The following COL5A2 variants were observed in gnomAD, a reference collection of about 807,000 sequenced individuals.
COL5A2 encodes the protein collagen type V alpha 2 chain.
Under a neutral mutation model 208.2 loss-of-function variants are expected in COL5A2, and 23 were observed. The observed-to-expected ratio is 0.11, with a 90% CI of 0.08 to 0.16. The LOEUF is 0.16. Among genes scored for constraint, COL5A2 ranks in the 10% least tolerant of loss-of-function variants. The probability of loss-of-function intolerance (pLI) is 1.00; values close to 1 mark genes in which losing one functional copy is unlikely to be tolerated. For missense variants in COL5A2, 1,590 were observed against 1,956.4 expected (o/e 0.81, Z 3.53); for synonymous variants, 625 against 628.5 (o/e 0.99, Z 0.08).
chr2:189,210,432 GAAA>G (rs34973641), intron 1 of COL5A2, among the ~76,000 whole-genome samples: 3 of 134,874 alleles, frequency 2.2e-5, no homozygotes. Context: ...TGTTGAGCTT[GAAA>G]AAAAAAAAAA....
At chr2:189,257,866 G>A in the COL5A2 span, among the ~76,000 whole-genome samples, 1 of 152,108 alleles carries the variant, frequency 6.6e-6, no homozygotes, top group Non-Finnish European at 1.5e-5. Flanking sequence ...TGTAATCCCA[G>A]CACTTTGGGA....
At chr2:189,192,626 GAA>G (rs1438032085) in intron 1 of COL5A2, among the ~76,000 whole-genome samples, 1 of 152,094 alleles carries the variant, frequency 6.6e-6, no homozygotes, top group African/African-American at 2.4e-5. Flanking sequence ...TACAAATAGA[GAA>G]GAGCCCTATT....
At chr2:189,181,505 G>C (rs573764151), upstream of COL5A2, among the ~76,000 whole-genome samples, 2 of 151,812 alleles carry the variant, frequency 1.3e-5, no homozygotes, top group African/African-American at 2.4e-5. Context: ...AAGTAAATGT[G>C]GGGGGGAGGA....
chr2:189,100,291 G>A lies in COL5A2; in HGVS notation c.337-152C>T, dbSNP rs55905390. 6.1e-6 allele frequency: 4 copies of A among 657,904 alleles called. No individual in the cohort carries two copies. The East Asian group carries it at 1.1e-4, about 18-fold the overall frequency. 40.8% of individuals were successfully genotyped at this position (657,904 alleles called of 1,614,324 possible). A position where few individuals can be genotyped will look rare whatever the true frequency, so the allele number is the denominator to read the frequency against. On this transcript the variant is annotated intron_variant, in intron 3 of 53. Coordinates refer to ENST00000374866, the MANE Select transcript of COL5A2 (RefSeq NM_000393.5). ...ACAAAAAGAAAGTTAACAATTTTTAGGATATTTAGTCAGATATTACTCATT... is the reference window on the plus strand; with the variant it reads ...ACAAAAAGAAAGTTAACAATTTTTAAGATATTTAGTCAGATATTACTCATT...
the COL5A2 span, among the ~76,000 whole-genome samples, chr2:189,348,758 G>A: frequency 6.6e-6 from 1 of 152,178 alleles, no homozygotes; most frequent in East Asian, 1.9e-4. Flanking sequence ...CCATGGAAAA[G>A]AGTGCTGACT....
chr2:189,228,521 A>T (rs183964847), upstream of COL5A2, among the ~76,000 whole-genome samples: 7 of 152,030 alleles, frequency 4.6e-5, no homozygotes, highest in East Asian at 1.4e-3. Context: ...ACCATGAACA[A>T]TTATAAGCCA....
chr2:189,063,812 T>C (rs1376009698), intron 26 of COL5A2, among the ~76,000 whole-genome samples, 168 bp downstream of exon 26: 1 of 152,204 alleles, frequency 6.6e-6, no homozygotes, highest in Non-Finnish European at 1.5e-5. Flanking sequence ...TCTACATTTT[T>C]GTCAACTTGA....
chr2:189,275,421 G>A, the COL5A2 span, among the ~76,000 whole-genome samples: 15 of 148,680 alleles, frequency 1.0e-4, no homozygotes. Context: ...TTGAAACATG[G>A]AGTATCTTTT....
intron 1 of COL5A2, among the ~76,000 whole-genome samples, chr2:189,124,343 A>G (rs977056827): frequency 1.3e-5 from 2 of 152,160 alleles, no homozygotes; most frequent in South Asian, 2.1e-4. Context: ...GATGGGGGAA[A>G]GACTATCTCC....
chr2:189,406,570 C>T, the COL5A2 span, among the ~76,000 whole-genome samples: 1 of 152,116 alleles, frequency 6.6e-6, no homozygotes, highest in Non-Finnish European at 1.5e-5. Context: ...TTCTTTGGCT[C>T]TTATGAGAAA....
At chr2:189,249,077 A>G in the COL5A2 span, among the ~76,000 whole-genome samples, 1 of 152,160 alleles carries the variant, frequency 6.6e-6, no homozygotes, top group African/African-American at 2.4e-5. Context: ...ACCAAAAAAG[A>G]TTTTATTAAA....
chr2:189,158,886 T>C (rs1300291042), intron 1 of COL5A2, among the ~76,000 whole-genome samples: 4 of 152,192 alleles, frequency 2.6e-5, no homozygotes, highest in Non-Finnish European at 2.9e-5. Context: ...TTCAAGTGTT[T>C]ATTTTGCAAC....
In COL5A2 at chr2:189,060,583, T is replaced by C. The variant is rs1686007914; in HGVS notation, c.2085+147A>G. ...ATTTTCCTCATCTACAAAATGGAGATAATGATAGTACCTAGTACATAGGGC... is the reference window on the plus strand; with the variant it reads ...ATTTTCCTCATCTACAAAATGGAGACAATGATAGTACCTAGTACATAGGGC... On this transcript the variant is annotated intron_variant, in intron 31 of 53. Coordinates refer to ENST00000374866, the MANE Select transcript of COL5A2 (RefSeq NM_000393.5). The C allele has an allele frequency of 4.4e-6, 3 of 674,654 alleles. No homozygotes were observed. In the South Asian group the frequency reaches 5.3e-5, roughly 12 times the overall value. 41.8% of individuals were successfully genotyped at this position (674,654 alleles called of 1,614,324 possible).
chr2:189,273,535 G>C, the COL5A2 span, among the ~76,000 whole-genome samples: 2 of 152,024 alleles, frequency 1.3e-5, no homozygotes, highest in South Asian at 4.2e-4. Flanking sequence ...ATGTTGATGA[G>C]CTATCTACAC....
the COL5A2 span, among the ~76,000 whole-genome samples, chr2:189,280,612 C>T: frequency 3.3e-5 from 5 of 152,070 alleles, no homozygotes; most frequent in African/African-American, 1.2e-4. Context: ...ATTATAGCCC[C>T]AAAATGAGTA....
intron 1 of COL5A2, among the ~76,000 whole-genome samples, chr2:189,208,525 G>C (rs151060349): frequency 6.6e-6 from 1 of 152,188 alleles, no homozygotes. Context: ...AATGAAACAA[G>C]AACTGCAGAG....
At chr2:189,161,106 C>T (rs528763542) in intron 1 of COL5A2, among the ~76,000 whole-genome samples, 8 of 151,008 alleles carry the variant, frequency 5.3e-5, no homozygotes, top group Non-Finnish European at 1.0e-4. Flanking sequence ...AGGTGTGGGC[C>T]ACCGCGCCCG....
rs778544623 is a variant in COL5A2 at position 189,053,906 on chromosome 2, G to A, written c.2488C>T (p.Arg830Trp). The A allele has an allele frequency of 2.9e-5, 47 of 1,613,696 alleles. No individual in the cohort carries two copies. The highest frequency in any genetic ancestry group is 1.6e-4 in the Middle Eastern group (1 of 6,084). ...PRGLVGPPGSRGNPGSRGENG... is the reference protein window; with the variant it reads ...PRGLVGPPGSWGNPGSRGENG... ...ATACTGTCACTTACAGGATTGCCCC[G>A]GGAGCCAGGAGGGCCAACTAAACCT... Residue 830 changes from arginine to tryptophan, a missense_variant, in exon 37 of 54, where the codon CGG becomes TGG. Transcript: ENST00000374866.
the COL5A2 span, among the ~76,000 whole-genome samples, chr2:189,288,788 G>C: frequency 6.6e-6 from 1 of 152,076 alleles, no homozygotes; most frequent in Non-Finnish European, 1.5e-5. Context: ...CAGTATCCCT[G>C]TAAAAATTCA....
Sources: gnomAD v4.1 joint callset for allele counts (sites outside exome capture counted in the v4.1 genomes callset) on GRCh38, gnomAD v4.1.1 for gene constraint, MANE v1.5 for transcripts, NCBI Gene and HGNC (gene_info 2026-07-23, HGNC 2026-07-21) for gene names.